THRAP3: variants seen among roughly 807,000 people sequenced by gnomAD.
THRAP3 encodes the protein thyroid hormone receptor-associated protein 3.
A neutral mutation model predicts 101.0 loss-of-function variants in THRAP3; 16 were observed. That is an observed-to-expected ratio of 0.16 (90% confidence interval 0.11 to 0.24). The LOEUF (loss-of-function observed/expected upper bound fraction) is 0.24. THRAP3 is among the 10% of genes least tolerant of loss of function. THRAP3 has a pLI of 1.00. For missense variants in THRAP3, 989 were observed against 1,202.7 expected, an observed-to-expected ratio of 0.82 and a Z score of 2.63; for synonymous variants, 407 against 422.6, an observed-to-expected ratio of 0.96 and a Z score of 0.45.
At chr1:36,240,145 G>A (rs1325264034) in intron 1 of THRAP3, among the ~76,000 whole-genome samples, 1 of 152,162 alleles carries the variant, frequency 6.6e-6, no homozygotes, top group Non-Finnish European at 1.5e-5. Context: ...ATAAATAAAA[G>A]TGAGTTTATT....
chr1:36,298,750 C>T (rs1427691022), intron 9 of THRAP3, among the ~76,000 whole-genome samples: 1 of 152,090 alleles, frequency 6.6e-6, no homozygotes, highest in African/African-American at 2.4e-5. Flanking sequence ...GATTCCCACC[C>T]ACCTCCTTGG....
At chr1:36,299,833 C>T (rs922782356) in intron 9 of THRAP3, among the ~76,000 whole-genome samples, 3 of 152,144 alleles carry the variant, frequency 2.0e-5, no homozygotes, top group African/African-American at 7.2e-5. Context: ...TTGAAAACCT[C>T]TTGAAATAGC....
At chr1:36,292,272 T>TC (rs1340375839) in intron 6 of THRAP3, among the ~76,000 whole-genome samples, 1 of 102,088 alleles carries the variant, frequency 9.8e-6, no homozygotes, top group Non-Finnish European at 2.0e-5. Flanking sequence ...TTCTTTTTTT[T>TC]TTTTTTTTTT....
chr1:36,257,493 G>A (rs1056271408), intron 1 of THRAP3, among the ~76,000 whole-genome samples: 27 of 152,212 alleles, frequency 1.8e-4, no homozygotes, highest in African/African-American at 6.0e-4. Flanking sequence ...TTTGGCCAAA[G>A]GAGGTTCAGG....
Position 36,303,929 on chromosome 1 carries a change from T to C in THRAP3, c.2780T>C (p.Phe927Ser). The stretch of plus-strand genomic sequence containing the variant: ...AGCCCCAAGTGGGCCCATGACAAGT[T>C]CAGTGGGGAGGAAGGGGAGATTGAA... ...STSPKWAHDK[F>S]SGEEGEIEDD... is the part of the protein sequence containing the mutation. Residue 927 changes from phenylalanine (F) to serine (S), a missense_variant, in exon 12 of 12, where the codon TTC becomes TCC. Physicochemically the swap from Phe to Ser is radical, Grantham distance 155. Coordinates refer to ENST00000354618, the MANE Select transcript of THRAP3 (RefSeq NM_005119.4). The C allele has an allele frequency of 6.2e-7, 1 of 1,612,992 alleles. No homozygotes were observed. The highest frequency in any genetic ancestry group is 8.5e-7 in the Non-Finnish European group (1 of 1,179,582).
chr1:36,251,500 A>T (rs1645300116), intron 1 of THRAP3, among the ~76,000 whole-genome samples: 1 of 152,220 alleles, frequency 6.6e-6, no homozygotes. Flanking sequence ...GGGTTATTTA[A>T]GGAGCAGACT....
chr1:36,291,661 A>G (rs1034398988), intron 6 of THRAP3, 115 bp downstream of exon 6: 4 of 1,152,272 alleles, frequency 3.5e-6, no homozygotes, highest in African/African-American at 3.1e-5. Context: ...GGGCCTTTGA[A>G]GCTAGGGGCT....
At chr1:36,251,261 A>G (rs956603797) in intron 1 of THRAP3, among the ~76,000 whole-genome samples, 3 of 152,160 alleles carry the variant, frequency 2.0e-5, no homozygotes, top group African/African-American at 4.8e-5. Context: ...GTAATGTGAT[A>G]AAAAGATAAG....
intron 1 of THRAP3, among the ~76,000 whole-genome samples, chr1:36,236,435 T>G (rs923253762): frequency 2.0e-5 from 3 of 152,086 alleles, no homozygotes; most frequent in African/African-American, 7.2e-5. Flanking sequence ...TACATTGCCC[T>G]TTTTCTTCCT....
At chr1:36,210,702 A>AATATAT in the THRAP3 span, among the ~76,000 whole-genome samples, 1 of 5,098 alleles carries the variant, frequency 2.0e-4, no homozygotes, top group South Asian at 0.012. Context: ...AAAAAAAAAA[A>AATATAT]GTATATATAT....
intron 1 of THRAP3, among the ~76,000 whole-genome samples, chr1:36,229,214 C>A (rs187707750): frequency 6.6e-6 from 1 of 152,188 alleles, no homozygotes; most frequent in Admixed American, 6.6e-5. Context: ...TCTCCTGCCT[C>A]AGCTTCCCAG....
At chr1:36,270,395 ACACACACACG>A (rs962577882) in intron 2 of THRAP3, among the ~76,000 whole-genome samples, 37 of 151,762 alleles carry the variant, frequency 2.4e-4, no homozygotes, top group African/African-American at 8.0e-4. Context: ...ACCCTGACAC[ACACACACACG>A]CACACAGGCA....
the THRAP3 span, among the ~76,000 whole-genome samples, chr1:36,214,495 A>T: frequency 6.6e-6 from 1 of 151,996 alleles, no homozygotes; most frequent in East Asian, 1.9e-4. Context: ...TAACTTCCTC[A>T]CTGGTCTCCC....
intron 1 of THRAP3, among the ~76,000 whole-genome samples, chr1:36,226,256 TTTA>T (rs1022878411): frequency 3.3e-5 from 5 of 151,906 alleles, no homozygotes; most frequent in Admixed American, 6.6e-5. Context: ...AGACATACGA[TTTA>T]TTATTATTAT....
At chr1:36,280,581 G>A (rs1001247902) in intron 2 of THRAP3, among the ~76,000 whole-genome samples, 3 of 152,198 alleles carry the variant, frequency 2.0e-5, no homozygotes, top group African/African-American at 7.2e-5. Flanking sequence ...TCACAGACAA[G>A]AGGCAGCATT....
intron 6 of THRAP3, 79 bp downstream of exon 6, chr1:36,291,625 T>G: frequency 2.0e-6 from 3 of 1,508,498 alleles, no homozygotes; most frequent in Non-Finnish European, 2.7e-6. Context: ...ATAAGGAGTT[T>G]TGGGGGACCT....
intron 2 of THRAP3, among the ~76,000 whole-genome samples, chr1:36,278,691 A>T (rs1645692807): frequency 6.6e-6 from 1 of 152,146 alleles, no homozygotes; most frequent in Admixed American, 6.5e-5. Context: ...TGGGAGGCCG[A>T]GGTGGGCGGA....
chr1:36,280,887 T>C (rs1437404452), intron 2 of THRAP3, among the ~76,000 whole-genome samples: 2 of 151,640 alleles, frequency 1.3e-5, no homozygotes, highest in East Asian at 3.9e-4. Context: ...TGTTTCTTGG[T>C]GGGAAAATGA....
intron 2 of THRAP3, among the ~76,000 whole-genome samples, chr1:36,276,306 T>C (rs999217338): frequency 2.7e-5 from 4 of 147,510 alleles, no homozygotes; most frequent in African/African-American, 1.0e-4. Flanking sequence ...AGGCGGGTCA[T>C]GAGGTCAGAA....
Sources: gnomAD v4.1 joint callset for allele counts (sites outside exome capture counted in the v4.1 genomes callset) on GRCh38, gnomAD v4.1.1 for gene constraint, MANE v1.5 for transcripts, NCBI Gene and HGNC (gene_info 2026-07-23, HGNC 2026-07-21) for gene names.